Variants in RFX5 observed in about 807,000 individuals in gnomAD.
RFX5 encodes DNA-binding protein RFX5.
RFX5 carries 30 observed loss-of-function variants against 41.2 expected under a neutral mutation model. The observed-to-expected ratio is 0.73, with a 90% CI of 0.54 to 0.99. The LOEUF (loss-of-function observed/expected upper bound fraction) is 0.99, where lower values mean the gene tolerates loss of function less well. Ranked by LOEUF, RFX5 falls within the 50% of genes least tolerant of loss-of-function variation. The pLI, the probability that RFX5 is intolerant of heterozygous loss-of-function variation, is 0.00. For synonymous variants in RFX5, 231 were observed against 291.8 expected (o/e 0.79, Z 2.12); for missense variants, 715 against 773.6 (o/e 0.92, Z 0.90).
In RFX5 at chr1:151,346,277, C is replaced by T. The variant is rs569159154; in HGVS notation, c.44G>A (p.Gly15Glu). The T allele has an allele frequency of 1.3e-5, 21 of 1,614,160 alleles. 1 individual carries two copies. Among genetic ancestry groups the T allele is most frequent in the East Asian group, 8.9e-5 (4 of 44,874 alleles). Residue 15 changes from glycine (G) to glutamate (E), a missense_variant, in exon 3 of 11, where the codon GGA becomes GAA. Coordinates refer to ENST00000452671, the MANE Select transcript of RFX5 (RefSeq NM_001025603.2). ...EPDAKSPKTGGRAPPGGAEAG... is the reference protein window; with the variant it reads ...EPDAKSPKTGERAPPGGAEAG... Reference sequence around the variant, plus strand: ...CTCAGCACCACCTGGGGGGGCCCTTCCCCCAGTCTTGGGGCTCTTAGCATC... The same window carrying T: ...CTCAGCACCACCTGGGGGGGCCCTTTCCCCAGTCTTGGGGCTCTTAGCATC...
Position 151,342,130 on chromosome 1 carries a change from C to T in RFX5, c.*56G>A, listed in dbSNP as rs778280797. ...AATGAGAAGCAAGTGCAAAGAAGGGCCTCTACTAGGCAAAGTTAACGTAGG... is the reference window on the plus strand; with the variant it reads ...AATGAGAAGCAAGTGCAAAGAAGGGTCTCTACTAGGCAAAGTTAACGTAGG... On this transcript the variant is annotated 3_prime_UTR_variant, in exon 11 of 11. Transcript: ENST00000452671. The T allele has an allele frequency of 1.9e-6, 3 of 1,611,834 alleles. No individual in the cohort carries two copies. The highest frequency in any genetic ancestry group is 3.3e-5 in the Admixed American group (2 of 60,008).
intron 10 of RFX5, 67 bp downstream of exon 10, chr1:151,343,275 C>T: frequency 6.2e-7 from 1 of 1,607,072 alleles, no homozygotes; most frequent in Non-Finnish European, 8.5e-7. Context: ...GCAAGGGACC[C>T]AATTGGAGAA....
chr1:151,343,366 G>A lies in RFX5; in HGVS notation c.834C>T (p.His278=), dbSNP rs776510551. 1.1e-5 allele frequency: 17 copies of A among 1,613,516 alleles called. No homozygotes were observed. The highest frequency in any genetic ancestry group is 1.4e-5 in the Non-Finnish European group (16 of 1,180,024). The change falls in exon 10 of 11, where the codon CAC becomes CAT. Residue 278 remains histidine (H), a synonymous_variant. Transcript: ENST00000452671. Reference sequence around the variant, plus strand: ...CCTGGGCCAGTCTCTCTGGCTTCTTGTGGGCTCCACCCTCTGGGTTCTCTA... The same window carrying A: ...CCTGGGCCAGTCTCTCTGGCTTCTTATGGGCTCCACCCTCTGGGTTCTCTA... ...NGLENPEGGA[H]KKPERLAQPP... is the part of the protein sequence containing the mutation.
chr1:151,343,393 A>C lies in RFX5; in HGVS notation c.807T>G (p.Gly269=), dbSNP rs147137349. 56 of 1,613,778 alleles carry C rather than the reference A, an allele frequency of 3.5e-5. No homozygotes were observed. The highest frequency in any genetic ancestry group is 4.4e-5 in the Non-Finnish European group (52 of 1,180,012). Residue 269 remains glycine (G), a synonymous_variant, in exon 10 of 11, where the codon GGT becomes GGG. Transcript: ENST00000452671. ...GGGCTCCACCCTCTGGGTTCTCTAAACCATTCTTTGGTTTAGATGACCGTT... is the reference window on the plus strand; with the variant it reads ...GGGCTCCACCCTCTGGGTTCTCTAACCCATTCTTTGGTTTAGATGACCGTT... ...PRERSSKPKN[G]LENPEGGAHK...
At position 151,343,427 on chromosome 1, in the gene RFX5, G is replaced by A. The variant is rs764412732; in HGVS notation, c.773C>T (p.Ala258Val). The stretch of plus-strand genomic sequence containing the variant: ...TGGTTTAGATGACCGTTCCCGAGGT[G>A]CATGTTCGTCCTCTTCTGCAGAGGT... ...AMGLAEEDEHAPRERSSKPKN... is the reference protein window; with the variant it reads ...AMGLAEEDEHVPRERSSKPKN... The change falls in exon 10 of 11, where the codon GCA becomes GTA. Residue 258 changes from alanine to valine, a missense_variant. Coordinates refer to ENST00000452671, the MANE Select transcript of RFX5 (RefSeq NM_001025603.2). 3.7e-6 allele frequency: 6 copies of A among 1,613,878 alleles called. No individual in the cohort carries two copies. Among genetic ancestry groups the A allele is most frequent in the Non-Finnish European group, 5.1e-6 (6 of 1,180,022 alleles).
rs1249744709 is a variant in RFX5 at position 151,344,438 on chromosome 1, A to G, written c.452T>C (p.Leu151Pro). The G allele has an allele frequency of 1.2e-6, 2 of 1,614,194 alleles. No individual in the cohort carries two copies. The highest frequency in any genetic ancestry group is 8.5e-7 in the Non-Finnish European group (1 of 1,180,032). The change falls in exon 7 of 11, where the codon CTT becomes CCT. Residue 151 changes from leucine (L) to proline (P), a missense_variant. Coordinates refer to ENST00000452671, the MANE Select transcript of RFX5 (RefSeq NM_001025603.2). ...ATACTTGGACTGGCCCCGGCCACCA[A>G]GCCTTCGAGCTTTGATGTCAGGGAA... ...EIFPDIKARRLGGRGQSKYCY... is the reference protein window; with the variant it reads ...EIFPDIKARRPGGRGQSKYCY...
rs558616330 is a variant in RFX5, at chr1:151,341,458, G to A, written c.*728C>T. The stretch of plus-strand genomic sequence containing the variant: ...TGGGGAATCCATGTGATTTTGGGGA[G>A]GCTGACCCCCACCCTTTTCCCCAAA... On this transcript the variant is annotated 3_prime_UTR_variant, in exon 11 of 11. Coordinates refer to ENST00000452671, the MANE Select transcript of RFX5 (RefSeq NM_001025603.2). 2.0e-5 allele frequency: 3 copies of A among 153,348 alleles called. No individual in the cohort carries two copies. In the East Asian group the frequency reaches 5.8e-4, roughly 30 times the overall value. The allele number at this position is 153,348 out of a possible 1,614,324, so 9.5% of individuals were successfully genotyped here.
Position 151,343,114 on chromosome 1 carries a change from C to T in RFX5, c.923G>A (p.Ser308Asn), listed in dbSNP as rs371591077. The T allele has an allele frequency of 1.9e-6, 3 of 1,612,642 alleles. No individual in the cohort carries two copies. In the African/African-American group the frequency reaches 4.0e-5, roughly 22 times the overall value. The change falls in exon 11 of 11, where the codon AGT becomes AAT. Residue 308 changes from serine (S) to asparagine (N), a missense_variant. Physicochemically the swap from Ser to Asn is conservative, Grantham distance 46. Coordinates refer to ENST00000452671, the MANE Select transcript of RFX5 (RefSeq NM_001025603.2). ...GPLARGERKK[S>N]VVESSAPGAN... ...TCCTGGGGCCGAGCTCTCAACTACACTCTTCTTCCGCTCTCCACGTGCGAG... is the reference window on the plus strand; with the variant it reads ...TCCTGGGGCCGAGCTCTCAACTACATTCTTCTTCCGCTCTCCACGTGCGAG...
Position 151,343,326 on chromosome 1 carries a change from C to A in RFX5, c.858+16G>T. On this transcript the variant is annotated intron_variant, in intron 10 of 10. Transcript: ENST00000452671. ...CCAGCCCAGGACAGCAAAGTCAGGG[C>A]CACTGACTTCCTTACCTGGGCCAGT... 1 of 1,610,416 alleles carries A rather than the reference C, an allele frequency of 6.2e-7. No homozygotes were observed. The highest frequency in any genetic ancestry group is 8.5e-7 in the Non-Finnish European group (1 of 1,177,976).
At position 151,342,457 on chromosome 1, in the gene RFX5, C is replaced by T; in HGVS notation, c.1580G>A (p.Gly527Glu). 1 of 1,614,174 alleles carries T rather than the reference C, an allele frequency of 6.2e-7. No individual in the cohort carries two copies. The highest frequency in any genetic ancestry group is 1.1e-5 in the South Asian group (1 of 91,086). Residue 527 changes from glycine to glutamate, a missense_variant, in exon 11 of 11, where the codon GGG (glycine) becomes GAG (glutamate). Gly to Glu is a moderately conservative substitution (Grantham distance 98). Transcript: ENST00000452671. ...TCCCTGACCCTGGGCAAGTACTGCCCCCTTTTCAGCCTCTCCCATTGGCCC... is the reference window on the plus strand; with the variant it reads ...TCCCTGACCCTGGGCAAGTACTGCCTCCTTTTCAGCCTCTCCCATTGGCCC... ...RPGPMGEAEK[G>E]AVLAQGQGDG...
Position 151,344,185 on chromosome 1 carries a change from T to C in RFX5, c.555+12A>G, listed in dbSNP as rs1458363513. ...AGAGAAGAGTGGAATTGGAAGGTGA[T>C]TTGGTACTTACACTCTCAGAACCCT... On this transcript the variant is annotated intron_variant, in intron 8 of 10. Coordinates refer to ENST00000452671, the MANE Select transcript of RFX5 (RefSeq NM_001025603.2). 1 of 1,613,404 alleles carries C rather than the reference T, an allele frequency of 6.2e-7. No homozygotes were observed. The highest frequency in any genetic ancestry group is 8.5e-7 in the Non-Finnish European group (1 of 1,179,348).
intron 8 of RFX5, 128 bp downstream of exon 8, chr1:151,344,069 A>C (rs1650771566): frequency 8.7e-7 from 1 of 1,145,716 alleles, no homozygotes; most frequent in Non-Finnish European, 1.3e-6. Context: ...GGGTTGGCAG[A>C]AGGGAACATC....
chr1:151,346,621 A>T lies in RFX5; in HGVS notation c.-131-15T>A. On this transcript the variant is annotated splice_polypyrimidine_tract_variant and intron_variant, in intron 1 of 10. Transcript: ENST00000452671. ...AATCTGGAAAACTGTAAAGGAAGAG[A>T]TAGGGGGATTGGGAATCCATGTTAG... The T allele has an allele frequency of 2.7e-6, 1 of 372,674 alleles. No homozygotes were observed. The highest frequency in any genetic ancestry group is 5.0e-6 in the Non-Finnish European group (1 of 198,764). 23.1% of individuals were successfully genotyped at this position (372,674 alleles called of 1,614,324 possible). A position where few individuals can be genotyped will look rare whatever the true frequency, so the allele number is the denominator to read the frequency against.
chr1:151,343,688 C>A lies in RFX5; in HGVS notation c.750G>T (p.Gly250=). The A allele has an allele frequency of 6.2e-7, 1 of 1,613,910 alleles. No homozygotes were observed. The highest frequency in any genetic ancestry group is 8.5e-7 in the Non-Finnish European group (1 of 1,179,918). The change falls in exon 9 of 11, where the codon GGG becomes GGT. Residue 250 remains glycine, a synonymous_variant. Transcript: ENST00000452671. ...AAGAGAGGGTCAACACACCAGCGAG[C>A]CCCATGGCCTTAAGCACATGGGCAT... The part of the protein sequence containing the change: ...SAHAHVLKAM[G]LAEEDEHAPR...
chr1:151,343,901 T>C lies in RFX5; in HGVS notation c.556-19A>G, dbSNP rs1243252629. The C allele has an allele frequency of 6.2e-7, 1 of 1,611,260 alleles. No individual in the cohort carries two copies. The highest frequency in any genetic ancestry group is 8.5e-7 in the Non-Finnish European group (1 of 1,178,002). On this transcript the variant is annotated intron_variant, in intron 8 of 10. Transcript: ENST00000452671. ...TTTCTGGCTGAAGTGGGGAAGGACA[T>C]GCCCAATCACACTCCAAATTAAAGA...
Position 151,346,219 on chromosome 1 carries a change from G to A in RFX5, c.102C>T (p.Leu34=). The A allele has an allele frequency of 6.2e-7, 1 of 1,614,168 alleles. No homozygotes were observed. The highest frequency in any genetic ancestry group is 8.5e-7 in the Non-Finnish European group (1 of 1,180,010). The change falls in exon 3 of 11, where the codon CTC becomes CTT. Residue 34 remains leucine (L), a synonymous_variant. Transcript: ENST00000452671. ...TGAGTACTTACGAAATGGTACCTCGGAGCCTCTGAAGAAGGGTGGTAGGTT... is the reference window on the plus strand; with the variant it reads ...TGAGTACTTACGAAATGGTACCTCGAAGCCTCTGAAGAAGGGTGGTAGGTT... The part of the protein sequence containing the change: ...AGEPTTLLQR[L]RGTISKAVQN...
At chr1:151,345,239 C>A in intron 4 of RFX5, 51 bp from the exon 5 acceptor site, 1 of 1,401,600 alleles carries the variant, frequency 7.1e-7, no homozygotes, top group Non-Finnish European at 1.0e-6. Flanking sequence ...CAAGAAGGAC[C>A]CAATATAGGA....
rs1185331038 is a variant in RFX5, at chr1:151,343,865, T to C, written c.573A>G (p.Glu191=). The stretch of plus-strand genomic sequence containing the variant: ...GTTCATCTCGAGGTGCTGGGGTTAC[T>C]TCTGGGCCCATTTCTGGCTGAAGTG... ...KGSESPEMGP[E]VTPAPRDELV... is the part of the protein sequence containing the mutation. Residue 191 remains glutamate, a synonymous_variant, in exon 9 of 11, where the codon GAA becomes GAG. Coordinates refer to ENST00000452671, the MANE Select transcript of RFX5 (RefSeq NM_001025603.2). The C allele has an allele frequency of 6.2e-7, 1 of 1,613,550 alleles. No homozygotes were observed. Among genetic ancestry groups the C allele is most frequent in the African/African-American group, 1.3e-5 (1 of 74,934 alleles).
Position 151,340,807 on chromosome 1 carries a change from T to C in RFX5, c.*1379A>G, listed in dbSNP as rs1338008498. 1 of 152,636 alleles carries C rather than the reference T, an allele frequency of 6.6e-6. No individual in the cohort carries two copies. The highest frequency in any genetic ancestry group is 1.5e-5 in the Non-Finnish European group (1 of 68,038). The allele number at this position is 152,636 out of a possible 1,614,324, so 9.5% of individuals were successfully genotyped here. On this transcript the variant is annotated 3_prime_UTR_variant, in exon 11 of 11. Coordinates refer to ENST00000452671, the MANE Select transcript of RFX5 (RefSeq NM_001025603.2). Reference sequence around the variant, plus strand: ...AATAAATGAACACATGAAGTCTCCCTGAAAGAAAATCAGTGTTTCTTGGGA... The same window carrying C: ...AATAAATGAACACATGAAGTCTCCCCGAAAGAAAATCAGTGTTTCTTGGGA...
Sources: gnomAD v4.1 joint callset for allele counts on GRCh38, gnomAD v4.1.1 for gene constraint, MANE v1.5 for transcripts, NCBI Gene and HGNC (gene_info 2026-07-23, HGNC 2026-07-21) for gene names.